UBE4B: variants seen among roughly 807,000 people sequenced by gnomAD.
UBE4B encodes ubiquitination factor E4B.
UBE4B carries 27 observed loss-of-function variants against 148.1 expected under a neutral mutation model. The observed-to-expected ratio is 0.18, with a 90% CI of 0.13 to 0.25. The LOEUF (loss-of-function observed/expected upper bound fraction) is 0.25. Ranked by LOEUF, UBE4B falls within the 10% of genes least tolerant of loss-of-function variation. The pLI, the probability that UBE4B is intolerant of heterozygous loss-of-function variation, is 1.00. For synonymous variants in UBE4B, 596 were observed against 619.3 expected (o/e 0.96, Z 0.56); for missense variants, 1,170 against 1,662.4 (o/e 0.70, Z 5.15).
rs1458086488 is a variant in UBE4B, at chr1:10,090,335, G to T, written c.212-5126G>T. Among the ~76,000 whole-genome samples the T allele has an allele frequency of 2.0e-5, 3 of 152,108 alleles. No homozygotes were observed. In the East Asian group the frequency reaches 5.8e-4, roughly 30 times the overall value. ...GGGTCTCCCTGTGTCACGCAGGCTGGTCTTGAATTCCTGGACTGAAGCGAT... is the reference window on the plus strand; with the variant it reads ...GGGTCTCCCTGTGTCACGCAGGCTGTTCTTGAATTCCTGGACTGAAGCGAT... On this transcript the variant is annotated intron_variant, in intron 2 of 27. Coordinates refer to ENST00000343090, the MANE Select transcript of UBE4B (RefSeq NM_001105562.3).
At chr1:10,174,863 C>G (rs996458034) in intron 25 of UBE4B, among the ~76,000 whole-genome samples, 3 of 151,906 alleles carry the variant, frequency 2.0e-5, no homozygotes, top group Middle Eastern at 3.2e-3. Flanking sequence ...GCGGTAAGTG[C>G]AGAAGGATGG....
rs751900641 is a variant in UBE4B, at chr1:10,161,298, G to A, written c.3198+12G>A. The A allele has an allele frequency of 6.2e-7, 1 of 1,613,504 alleles. No individual in the cohort carries two copies. Among genetic ancestry groups the A allele is most frequent in the Non-Finnish European group, 8.5e-7 (1 of 1,179,654 alleles). The stretch of plus-strand genomic sequence containing the variant: ...ACCAGTTGCCCCGGGTGAGGACGTG[G>A]TCCAGAGGCTTGGACAGCTTTGCAG... On this transcript the variant is annotated intron_variant, in intron 23 of 27. Coordinates refer to ENST00000343090, the MANE Select transcript of UBE4B (RefSeq NM_001105562.3). This position sits in a 1 kb window ranked among gnomAD's most constrained non-coding sequence, Gnocchi z 4.1.
rs1409644352 is a variant in UBE4B, at chr1:10,106,490, C to A, written c.1103C>A (p.Ser368Tyr). 6.2e-7 allele frequency: 1 copy of A among 1,613,598 alleles called. No homozygotes were observed. The highest frequency in any genetic ancestry group is 1.7e-5 in the Admixed American group (1 of 60,006). The change falls in exon 7 of 28, where the codon TCC (serine) becomes TAC (tyrosine). Residue 368 changes from serine to tyrosine, a missense_variant. Physicochemically the swap from Ser to Tyr is moderately radical, Grantham distance 144. Transcript: ENST00000343090. The surrounding 1 kb of genome is among the most constrained non-coding windows in gnomAD (Gnocchi z 4.2). ...SSPQAVPASS[S>Y]RQRPSSTGPP... ...CCCCAAGCAGTGCCCGCCAGCAGTTCCAGACAGAGGCCCAGCAGCACGGGT... is the reference window on the plus strand; with the variant it reads ...CCCCAAGCAGTGCCCGCCAGCAGTTACAGACAGAGGCCCAGCAGCACGGGT...
chr1:10,128,551 G>T (rs1428733936), intron 11 of UBE4B: 2 of 152,212 alleles, frequency 1.3e-5, no homozygotes, highest in African/African-American at 4.8e-5. Context: ...TTCACCAGGG[G>T]TGTGGCATGG....
chr1:10,111,379 A>T (rs548847437), intron 7 of UBE4B, among the ~76,000 whole-genome samples: 89 of 152,010 alleles, frequency 5.9e-4, no homozygotes, highest in African/African-American at 2.1e-3. Flanking sequence ...AGGCCTTTGT[A>T]CTTGTTTCTC....
At chr1:10,110,647 A>G (rs1374288106) in intron 7 of UBE4B, among the ~76,000 whole-genome samples, 3 of 152,226 alleles carry the variant, frequency 2.0e-5, no homozygotes, top group Non-Finnish European at 4.4e-5. Context: ...GATGACTAGA[A>G]AGAAATTTGG....
chr1:10,124,158 T>TATTA (rs769648244), intron 10 of UBE4B, among the ~76,000 whole-genome samples: 8 of 152,092 alleles, frequency 5.3e-5, no homozygotes, highest in Non-Finnish European at 7.4e-5. Flanking sequence ...CTGTTTATTC[T>TATTA]ATTAATTAAT....
At chr1:10,149,332 T>G (rs928577606) in intron 20 of UBE4B, 50 bp downstream of exon 20, 6 of 1,380,740 alleles carry the variant, frequency 4.3e-6, no homozygotes, top group Middle Eastern at 2.0e-4. Flanking sequence ...TTATGCATAA[T>G]AGTATAATAT....
intron 1 of UBE4B, among the ~76,000 whole-genome samples, chr1:10,067,586 T>C (rs1386418100): frequency 6.6e-6 from 1 of 152,138 alleles, no homozygotes; most frequent in Admixed American, 6.5e-5. Flanking sequence ...AAAAGTGAGG[T>C]TGCATCTCTT....
At chr1:10,072,920 TATC>T (rs1417834777) in intron 2 of UBE4B, 1 of 153,332 alleles carries the variant, frequency 6.5e-6, no homozygotes, top group Admixed American at 6.5e-5. Context: ...TTGATCATAA[TATC>T]ATCTAATAAT....
chr1:10,117,736 TAGG>T (rs1645336205), intron 8 of UBE4B, 136 bp downstream of exon 8: 1 of 1,080,702 alleles, frequency 9.3e-7, no homozygotes, highest in Non-Finnish European at 1.3e-6. Flanking sequence ...GGCACAATAC[TAGG>T]AACTTAGGAT....
At chr1:10,176,270 C>T (rs1646427956) in intron 25 of UBE4B, among the ~76,000 whole-genome samples, 1 of 152,184 alleles carries the variant, frequency 6.6e-6, no homozygotes, top group Non-Finnish European at 1.5e-5. Flanking sequence ...TGGGTTGTCT[C>T]CAGCCTTTGG....
intron 2 of UBE4B, among the ~76,000 whole-genome samples, chr1:10,076,187 C>T (rs952607134): frequency 1.3e-5 from 2 of 151,984 alleles, no homozygotes; most frequent in East Asian, 3.9e-4. Context: ...GATTTATTAT[C>T]CACCGAATGT....
At chr1:10,171,508 G>A (rs1646338587) in intron 25 of UBE4B, among the ~76,000 whole-genome samples, 179 bp downstream of exon 25, 1 of 152,242 alleles carries the variant, frequency 6.6e-6, no homozygotes, top group Admixed American at 6.5e-5. Context: ...CATTCTGGGA[G>A]GCCAAGGCAG....
At chr1:10,170,243 A>G (rs1304501203) in intron 24 of UBE4B, among the ~76,000 whole-genome samples, 1 of 152,118 alleles carries the variant, frequency 6.6e-6, no homozygotes, top group South Asian at 2.1e-4. Flanking sequence ...GATCTCTCCT[A>G]CTTCAAACAG....
intron 23 of UBE4B, among the ~76,000 whole-genome samples, chr1:10,166,962 CACACACACAA>C (rs764299121): frequency 1.0e-3 from 144 of 141,864 alleles, no homozygotes; most frequent in Non-Finnish European, 1.4e-3. Context: ...CACACACACA[CACACACACAA>C]AAAAAAAAAA....
Position 10,161,892 on chromosome 1 carries a change from G to A in UBE4B, c.3198+606G>A, listed in dbSNP as rs917678623. On this transcript the variant is annotated intron_variant, in intron 23 of 27. Transcript: ENST00000343090. The surrounding 1 kb of genome is among the most constrained non-coding windows in gnomAD (Gnocchi z 4.1). ...CAGTTGCTGGTGACTTCTTAGATTG[G>A]CTTAGGTTTATTGATTCTGTTCTTG... is the stretch of plus-strand genomic sequence containing the variant. Among the ~76,000 whole-genome samples the A allele has an allele frequency of 1.3e-5, 2 of 152,138 alleles. No individual in the cohort carries two copies. Among genetic ancestry groups the A allele is most frequent in the African/African-American group, 4.8e-5 (2 of 41,408 alleles).
At chr1:10,135,747 A>AC (rs1206581337) in intron 16 of UBE4B, among the ~76,000 whole-genome samples, 2 of 151,476 alleles carry the variant, frequency 1.3e-5, no homozygotes, top group East Asian at 1.9e-4. Flanking sequence ...AAAAAAAAAA[A>AC]AAAACAGATA....
At position 10,122,096 on chromosome 1, in the gene UBE4B, C is replaced by T; in HGVS notation, c.1554+20C>T. Reference sequence around the variant, plus strand: ...AAGCAGGTACGGTCGTATGAGTTTGCTCTTGCAAATTTTAGCCTGAGAGCC... The same window carrying T: ...AAGCAGGTACGGTCGTATGAGTTTGTTCTTGCAAATTTTAGCCTGAGAGCC... On this transcript the variant is annotated intron_variant, in intron 10 of 27. Coordinates refer to ENST00000343090, the MANE Select transcript of UBE4B (RefSeq NM_001105562.3). 2 of 1,563,072 alleles carry T rather than the reference C, an allele frequency of 1.3e-6. No homozygotes were observed. The highest frequency in any genetic ancestry group is 1.4e-5 in the African/African-American group (1 of 73,496).
Sources: allele counts gnomAD v4.1 joint callset (sites outside exome capture counted in the v4.1 genomes callset), GRCh38; gene constraint gnomAD v4.1.1; non-coding constraint Gnocchi (gnomAD v3.1); transcripts MANE v1.5; gene names NCBI Gene and HGNC (gene_info 2026-07-23, HGNC 2026-07-21).